PRKN: variants seen among roughly 807,000 people sequenced by gnomAD.
PRKN encodes parkin RBR E3 ubiquitin protein ligase.
In PRKN, 56 loss-of-function variants were observed where a neutral mutation model predicts 59.5. That is an observed-to-expected ratio of 0.94 (90% CI 0.76 to 1.18). The LOEUF is 1.18. Ranked by LOEUF, PRKN falls within the 50% of genes most tolerant of loss-of-function variation. PRKN has a pLI of 0.00. For synonymous variants in PRKN, 250 were observed against 222.1 expected (o/e 1.13, Z -1.12); for missense variants, 657 against 596.4 (o/e 1.10, Z -1.06).
intron 9 of PRKN, among the ~76,000 whole-genome samples, chr6:161,439,574 T>C (rs1487278138): frequency 6.6e-6 from 1 of 152,186 alleles, no homozygotes; most frequent in African/African-American, 2.4e-5. Context: ...ACAAGAGAGA[T>C]ACCACCAGAA....
intron 10 of PRKN, among the ~76,000 whole-genome samples, chr6:161,382,465 T>A (rs1786039435): frequency 6.6e-6 from 1 of 152,144 alleles, no homozygotes; most frequent in Non-Finnish European, 1.5e-5. Context: ...AGAGCACCAC[T>A]AAAAATCTGG....
At chr6:161,808,893 C>T (rs1791446513) in intron 6 of PRKN, among the ~76,000 whole-genome samples, 1 of 152,168 alleles carries the variant, frequency 6.6e-6, no homozygotes, top group South Asian at 2.1e-4. Context: ...GAGGCTGGAG[C>T]GCGGTGGTGC....
At chr6:162,237,222 A>T (rs978942677) in intron 3 of PRKN, among the ~76,000 whole-genome samples, 3 of 152,198 alleles carry the variant, frequency 2.0e-5, no homozygotes, top group Non-Finnish European at 2.9e-5. Context: ...AGATAAATTT[A>T]GCATGGAAAA....
intron 4 of PRKN, among the ~76,000 whole-genome samples, chr6:162,186,487 T>C (rs1275788346): frequency 1.3e-5 from 2 of 151,652 alleles, no homozygotes; most frequent in Admixed American, 6.6e-5. Flanking sequence ...GTGATTTCTT[T>C]GTGGAAGAAA....
At chr6:161,972,166 C>T (rs781267187) in intron 6 of PRKN, among the ~76,000 whole-genome samples, 2 of 150,864 alleles carry the variant, frequency 1.3e-5, no homozygotes, top group East Asian at 2.0e-4. Context: ...CCCAGCTACT[C>T]GGGAGGCTGA....
chr6:161,616,291 G>A (rs1582895240), intron 7 of PRKN, among the ~76,000 whole-genome samples: 1 of 152,140 alleles, frequency 6.6e-6, no homozygotes, highest in Non-Finnish European at 1.5e-5. Flanking sequence ...CAAGGGGAGG[G>A]GCCGGACTCA....
intron 1 of PRKN, among the ~76,000 whole-genome samples, chr6:162,694,046 G>C (rs1019371955): frequency 9.2e-5 from 14 of 152,034 alleles, no homozygotes; most frequent in African/African-American, 3.4e-4. Context: ...AGGAGATCGA[G>C]ATCATCCTGG....
At chr6:162,380,469 G>A (rs1193074842) in intron 2 of PRKN, among the ~76,000 whole-genome samples, 4 of 38,004 alleles carry the variant, frequency 1.1e-4, no homozygotes, top group African/African-American at 1.7e-4. Context: ...ACATATATAT[G>A]TGTGTATATA....
intron 2 of PRKN, among the ~76,000 whole-genome samples, chr6:162,424,044 C>G (rs1789105227): frequency 6.6e-6 from 1 of 152,106 alleles, no homozygotes. Flanking sequence ...GTGGTACATT[C>G]CATTCAGACA....
intron 4 of PRKN, among the ~76,000 whole-genome samples, chr6:162,172,451 C>A (rs1236714739): frequency 6.6e-6 from 1 of 152,178 alleles, no homozygotes; most frequent in Admixed American, 6.5e-5. Context: ...CTTCATCCAG[C>A]AGAGCCAGGC....
chr6:161,585,042 G>A lies in PRKN; in HGVS notation c.872-15626C>T, dbSNP rs182295608. ...ACCAAACAGAACACTTCAGAATCTGGTTCCATTTCTTCCCAACATTTAGAT... is the reference window on the plus strand; with the variant it reads ...ACCAAACAGAACACTTCAGAATCTGATTCCATTTCTTCCCAACATTTAGAT... On this transcript the variant is annotated intron_variant, in intron 7 of 11. Coordinates refer to ENST00000366898, the MANE Select transcript of PRKN (RefSeq NM_004562.3). Among the ~76,000 whole-genome samples, 45 of 152,300 alleles carry A rather than the reference G, an allele frequency of 3.0e-4. No individual in the cohort carries two copies. In the East Asian group the frequency reaches 7.1e-3, roughly 24 times the overall value.
intron 1 of PRKN, among the ~76,000 whole-genome samples, chr6:162,606,663 A>G (rs922525112): frequency 6.6e-6 from 1 of 152,158 alleles, no homozygotes; most frequent in Non-Finnish European, 1.5e-5. Flanking sequence ...TTTGATATTG[A>G]CATGAGGAAG....
At chr6:161,712,412 A>G (rs1239077274) in intron 7 of PRKN, among the ~76,000 whole-genome samples, 1 of 152,138 alleles carries the variant, frequency 6.6e-6, no homozygotes, top group East Asian at 1.9e-4. Flanking sequence ...TTAGCTCTTA[A>G]TACTCCTCAA....
At chr6:162,219,745 A>C (rs1777853686) in intron 3 of PRKN, among the ~76,000 whole-genome samples, 2 of 152,192 alleles carry the variant, frequency 1.3e-5, no homozygotes, top group East Asian at 3.8e-4. Context: ...CCATGAGTAA[A>C]TACATTTTAG....
chr6:161,895,920 C>A (rs373615892), intron 6 of PRKN, among the ~76,000 whole-genome samples: 4 of 152,006 alleles, frequency 2.6e-5, no homozygotes, highest in Non-Finnish European at 5.9e-5. Context: ...ATTACCCAGA[C>A]GAAGGGAGCT....
chr6:162,376,538 C>A (rs1225174395), intron 2 of PRKN, among the ~76,000 whole-genome samples: 1 of 151,430 alleles, frequency 6.6e-6, no homozygotes, highest in East Asian at 2.0e-4. Context: ...CCGAAGTCAT[C>A]CCCTGAGAGA....
At chr6:161,766,917 C>T (rs912523087) in intron 7 of PRKN, among the ~76,000 whole-genome samples, 3 of 152,102 alleles carry the variant, frequency 2.0e-5, no homozygotes, top group African/African-American at 7.2e-5. Flanking sequence ...TTACATTTAG[C>T]TTCTGAGAGC....
intron 9 of PRKN, among the ~76,000 whole-genome samples, chr6:161,520,917 A>G (rs1448031550): frequency 6.6e-6 from 1 of 152,194 alleles, no homozygotes; most frequent in African/African-American, 2.4e-5. Flanking sequence ...AATACCCATA[A>G]ATGCTTCTTG....
At chr6:162,279,320 C>G (rs143386416) in intron 2 of PRKN, among the ~76,000 whole-genome samples, 1 of 144,808 alleles carries the variant, frequency 6.9e-6, no homozygotes, top group South Asian at 2.2e-4. Context: ...CCAGCCTGGA[C>G]GACAGAGACT....
Sources: gnomAD v4.1 joint callset for allele counts (sites outside exome capture counted in the v4.1 genomes callset) on GRCh38, gnomAD v4.1.1 for gene constraint, MANE v1.5 for transcripts, NCBI Gene and HGNC (gene_info 2026-07-23, HGNC 2026-07-21) for gene names.